Variants in GABRG3 observed in about 807,000 individuals in gnomAD.
GABRG3 encodes the protein gamma-aminobutyric acid type A receptor subunit gamma3.
A neutral mutation model predicts 48.8 loss-of-function variants in GABRG3; 25 were observed. That is an observed-to-expected ratio of 0.51 (90% CI 0.37 to 0.72). The LOEUF (loss-of-function observed/expected upper bound fraction) is 0.72, where lower values mean the gene tolerates loss of function less well. GABRG3 is among the 30% of genes least tolerant of loss of function. The pLI, the probability that GABRG3 is intolerant of heterozygous loss-of-function variation, is 0.00. For synonymous variants in GABRG3, 227 were observed against 217.6 expected (o/e 1.04, Z -0.38); for missense variants, 394 against 577.9 (o/e 0.68, Z 3.26).
intron 3 of GABRG3, among the ~76,000 whole-genome samples, chr15:27,216,607 G>A (rs1023345210): frequency 6.6e-6 from 1 of 152,104 alleles, no homozygotes; most frequent in Non-Finnish European, 1.5e-5. Context: ...CCTGGGAATC[G>A]ATCGTTAGTC....
intron 3 of GABRG3, among the ~76,000 whole-genome samples, chr15:27,229,139 C>T (rs886868501): frequency 2.0e-5 from 3 of 152,070 alleles, no homozygotes; most frequent in Non-Finnish European, 2.9e-5. Flanking sequence ...ACTTTTTGCC[C>T]GTTCCTATGT....
At chr15:26,983,232 CTT>C (rs757310234) in intron 2 of GABRG3, among the ~76,000 whole-genome samples, 67 of 151,374 alleles carry the variant, frequency 4.4e-4, no homozygotes, top group Middle Eastern at 6.8e-3. Context: ...GTGCAGTGAA[CTT>C]ATATGTACAT....
intron 2 of GABRG3, among the ~76,000 whole-genome samples, chr15:27,025,024 C>A (rs1370480125): frequency 6.7e-3 from 613 of 91,142 alleles, no homozygotes; most frequent in Admixed American, 7.5e-3. Flanking sequence ...GACCCTGTCT[C>A]AAAAAAAAAA....
At chr15:27,150,452 G>A (rs1026439298) in intron 3 of GABRG3, among the ~76,000 whole-genome samples, 6 of 152,018 alleles carry the variant, frequency 3.9e-5, no homozygotes, top group Admixed American at 1.3e-4. Flanking sequence ...AATGTATTCC[G>A]TAGGCAATAG....
chr15:27,234,923 G>T (rs972281302), intron 3 of GABRG3, among the ~76,000 whole-genome samples: 1 of 152,138 alleles, frequency 6.6e-6, no homozygotes, highest in Non-Finnish European at 1.5e-5. Flanking sequence ...AGGGAAAGGG[G>T]GTTGCTGTCA....
intron 5 of GABRG3, among the ~76,000 whole-genome samples, chr15:27,381,085 T>C (rs1485590312): frequency 3.3e-5 from 5 of 152,052 alleles, no homozygotes; most frequent in Non-Finnish European, 5.9e-5. Flanking sequence ...TACTGGTAGG[T>C]GTCAGTCTTT....
chr15:26,971,789 C>T (rs555233542), intron 1 of GABRG3, among the ~76,000 whole-genome samples: 2 of 152,274 alleles, frequency 1.3e-5, no homozygotes, highest in Admixed American at 6.5e-5. Flanking sequence ...CCTCTGCAGC[C>T]GGGAGTGTGG....
At chr15:27,291,999 C>A (rs1891808458) in intron 3 of GABRG3, among the ~76,000 whole-genome samples, 1 of 152,146 alleles carries the variant, frequency 6.6e-6, no homozygotes, top group South Asian at 2.1e-4. Context: ...AATAATAACC[C>A]ACTGTTCAAC....
intron 3 of GABRG3, among the ~76,000 whole-genome samples, chr15:27,109,417 A>G (rs1192560033): frequency 6.6e-6 from 1 of 152,180 alleles, no homozygotes; most frequent in Non-Finnish European, 1.5e-5. Context: ...GTGTAACGCT[A>G]TGTATCTACT....
chr15:27,520,284 C>T (rs940124515), intron 7 of GABRG3, among the ~76,000 whole-genome samples, 160 bp downstream of exon 7: 4 of 152,156 alleles, frequency 2.6e-5, no homozygotes, highest in Admixed American at 2.6e-4. Context: ...CCAAGCAAGG[C>T]TGTTCTTTCT....
intron 2 of GABRG3, among the ~76,000 whole-genome samples, chr15:26,989,967 A>G (rs1454701137): frequency 6.6e-6 from 1 of 152,214 alleles, no homozygotes; most frequent in Non-Finnish European, 1.5e-5. Context: ...TCATTTTTTA[A>G]TAGCTGAATA....
chr15:27,321,367 G>A (rs1219969965), intron 3 of GABRG3, among the ~76,000 whole-genome samples: 1 of 152,226 alleles, frequency 6.6e-6, no homozygotes, highest in East Asian at 1.9e-4. Flanking sequence ...AAACCCTTGT[G>A]CCTGTGAAGC....
At chr15:27,252,843 T>C (rs2140461113) in intron 3 of GABRG3, among the ~76,000 whole-genome samples, 1 of 152,320 alleles carries the variant, frequency 6.6e-6, no homozygotes, top group African/African-American at 2.4e-5. Context: ...CAGCACACTG[T>C]CTAGTGATTT....
intron 6 of GABRG3, among the ~76,000 whole-genome samples, chr15:27,484,940 C>T (rs894421820): frequency 2.0e-5 from 3 of 152,200 alleles, no homozygotes; most frequent in Non-Finnish European, 4.4e-5. Context: ...TGGGAGAACA[C>T]AGATAAATCC....
rs1395438326 is a variant in GABRG3 at position 27,537,834 on chromosome 15, T to G, written c.*4953T>G. ...TTTTATTATTTATTTATTTATTTAT[T>G]TATTTATTTATTTATTTATTTTGAG... On this transcript the variant is annotated 3_prime_UTR_variant, in exon 10 of 10. Coordinates refer to ENST00000615808, the MANE Select transcript of GABRG3 (RefSeq NM_033223.5). The G allele has an allele frequency of 3.3e-5, 5 of 149,866 alleles. No homozygotes were observed. The East Asian group carries it at 9.7e-4, about 29-fold the overall frequency. 9.3% of individuals were successfully genotyped at this position (149,866 alleles called of 1,614,324 possible).
At chr15:27,137,159 C>T (rs1188157121) in intron 3 of GABRG3, among the ~76,000 whole-genome samples, 1 of 152,198 alleles carries the variant, frequency 6.6e-6, no homozygotes, top group South Asian at 2.1e-4. Context: ...GTTATCAATA[C>T]CCCAGGAAGC....
rs80025883 is a variant in GABRG3 at position 27,411,449 on chromosome 15, T to C, written c.575-69201T>C. Among the ~76,000 whole-genome samples, 441 of 152,272 alleles carry C rather than the reference T, an allele frequency of 2.9e-3. 12 individuals are homozygous for C. In the East Asian group the frequency reaches 0.069, roughly 24 times the overall value. On this transcript the variant is annotated intron_variant, in intron 5 of 9. Transcript: ENST00000615808. ...AGAAATGAGAAATGGGGAATGAGAA[T>C]TGGCCAACTTAAAATATTTAATACC... is the stretch of plus-strand genomic sequence containing the variant.
chr15:27,456,698 G>A (rs1309352325), intron 5 of GABRG3, among the ~76,000 whole-genome samples: 4 of 152,140 alleles, frequency 2.6e-5, no homozygotes, highest in Non-Finnish European at 4.4e-5. Flanking sequence ...GGCTCATAGC[G>A]GAGGAAATAG....
chr15:27,362,128 T>TTTCCTA (rs1895044204), intron 5 of GABRG3, among the ~76,000 whole-genome samples: 1 of 152,232 alleles, frequency 6.6e-6, no homozygotes, highest in African/African-American at 2.4e-5. Context: ...CTTGCTAGAC[T>TTTCCTA]GGATGTTCTC....
Sources: gnomAD v4.1 joint callset for allele counts (sites outside exome capture counted in the v4.1 genomes callset) on GRCh38, gnomAD v4.1.1 for gene constraint, MANE v1.5 for transcripts, NCBI Gene and HGNC (gene_info 2026-07-23, HGNC 2026-07-21) for gene names.